ASRGL1: variants seen among roughly 807,000 people sequenced by gnomAD.
The protein encoded by ASRGL1 is isoaspartyl peptidase/L-asparaginase.
A neutral mutation model predicts 22.4 loss-of-function variants in ASRGL1; 16 were observed. The ratio of observed to expected loss-of-function variants is 0.71; its 90% CI spans 0.48 to 1.08. The LOEUF (loss-of-function observed/expected upper bound fraction) is 1.08, where lower values mean the gene tolerates loss of function less well. Among genes scored for constraint, ASRGL1 ranks in the 50% least tolerant of loss-of-function variants. The pLI is 0.00. For synonymous variants in ASRGL1, 165 were observed against 159.3 expected, an observed-to-expected ratio of 1.04 and a Z score of -0.27; for missense variants, 412 against 410.1, an observed-to-expected ratio of 1.00 and a Z score of -0.04.
At chr11:62,372,510 G>A in intron 4 of ASRGL1, 2 of 1,137,080 alleles carry the variant, frequency 1.8e-6, no homozygotes, top group Non-Finnish European at 2.7e-6. Flanking sequence ...GGGCACAGCA[G>A]ATAGAGTATG....
intron 2 of ASRGL1, among the ~76,000 whole-genome samples, chr11:62,346,993 C>A (rs1050150505): frequency 6.6e-6 from 1 of 151,558 alleles, no homozygotes; most frequent in Non-Finnish European, 1.5e-5. Flanking sequence ...AGAAAAATAA[C>A]GTCTGACAAG....
chr11:62,388,474 C>T (rs1431018140), intron 4 of ASRGL1, among the ~76,000 whole-genome samples: 2 of 151,954 alleles, frequency 1.3e-5, no homozygotes, highest in African/African-American at 4.8e-5. Context: ...TGAGACCAGC[C>T]TGGCCAAGAT....
chr11:62,398,338 G>A (rs1279135386), downstream of ASRGL1, among the ~76,000 whole-genome samples: 1 of 152,036 alleles, frequency 6.6e-6, no homozygotes, highest in Non-Finnish European at 1.5e-5. Context: ...AAAAGCGTGT[G>A]TGCTCCCTTC....
rs574757273 is a variant in ASRGL1, at chr11:62,338,011, G to T, written c.34G>T (p.Ala12Ser). The T allele has an allele frequency of 5.6e-6, 9 of 1,605,984 alleles. No homozygotes were observed. The East Asian group carries it at 1.6e-4, about 28-fold the overall frequency. The part of the protein sequence containing the change: ...NPIVVVHGGG[A>S]GPISKDRKER... Reference sequence around the variant, plus strand: ...CATCGTAGTGGTCCACGGCGGCGGAGCCGGTCCCATCTCCAAGGATCGGAA... The same window carrying T: ...CATCGTAGTGGTCCACGGCGGCGGATCCGGTCCCATCTCCAAGGATCGGAA... The change falls in exon 2 of 7, where the codon GCC becomes TCC. Residue 12 changes from alanine (A) to serine (S), a missense_variant. By Grantham distance (99) the Ala-to-Ser change is moderately conservative. Transcript: ENST00000415229.
intron 4 of ASRGL1, among the ~76,000 whole-genome samples, chr11:62,362,659 TAAAATATATAATATATATTATATAA>T (rs1946493358): frequency 1.1e-5 from 1 of 95,160 alleles, no homozygotes; most frequent in East Asian, 2.6e-4. Context: ...ATATATTATA[TAAAATATATAATATATATTATATAA>T]AATATATATT....
chr11:62,388,199 G>T (rs551849535), intron 4 of ASRGL1, among the ~76,000 whole-genome samples: 1 of 152,294 alleles, frequency 6.6e-6, no homozygotes, highest in South Asian at 2.1e-4. Context: ...ATAATCTCAT[G>T]GGACCACCAT....
At chr11:62,362,547 TATA>T (rs1946470472) in intron 4 of ASRGL1, among the ~76,000 whole-genome samples, 1 of 15,068 alleles carries the variant, frequency 6.6e-5, no homozygotes, top group Non-Finnish European at 1.3e-4. Flanking sequence ...ATATAAAATA[TATA>T]ACATATATTA....
intron 4 of ASRGL1, chr11:62,371,420 T>G: frequency 3.5e-6 from 2 of 576,760 alleles, no homozygotes; most frequent in East Asian, 6.4e-5. Context: ...AAGAAGCACG[T>G]CAAACTTGAG....
chr11:62,390,844 G>A (rs1190155101), intron 5 of ASRGL1, among the ~76,000 whole-genome samples: 1 of 152,208 alleles, frequency 6.6e-6, no homozygotes, highest in African/African-American at 2.4e-5. Context: ...AACTGTGGGA[G>A]GGTAAAGGCG....
chr11:62,368,751 G>A (rs1182335018), intron 4 of ASRGL1, among the ~76,000 whole-genome samples: 4 of 151,086 alleles, frequency 2.6e-5, no homozygotes, highest in African/African-American at 9.7e-5. Context: ...AGGAAAACGT[G>A]AGCAAAGGTC....
chr11:62,373,851 A>C (rs1421189599), intron 4 of ASRGL1, among the ~76,000 whole-genome samples: 1 of 152,216 alleles, frequency 6.6e-6, no homozygotes, highest in Non-Finnish European at 1.5e-5. Flanking sequence ...TTAGCTGTTA[A>C]AGAAGTCCAA....
chr11:62,351,156 C>T (rs1232235351), intron 2 of ASRGL1, among the ~76,000 whole-genome samples: 5 of 152,126 alleles, frequency 3.3e-5, no homozygotes, highest in African/African-American at 4.8e-5. Flanking sequence ...CCTTTCTTTA[C>T]GGTCCCTTTA....
rs572929803 is a variant in ASRGL1 at position 62,354,407 on chromosome 11, A to T, written c.191-1918A>T. Among the ~76,000 whole-genome samples the T allele has an allele frequency of 5.3e-5, 8 of 152,264 alleles. No individual in the cohort carries two copies. The South Asian group carries it at 1.4e-3, about 28-fold the overall frequency. ...ATATCGGCTGGTTTTTTTTTCATACATACATATGATAAAGTTTAATATATT... is the reference window on the plus strand; with the variant it reads ...ATATCGGCTGGTTTTTTTTTCATACTTACATATGATAAAGTTTAATATATT... On this transcript the variant is annotated intron_variant, in intron 2 of 6. Coordinates refer to ENST00000415229, the MANE Select transcript of ASRGL1 (RefSeq NM_001083926.2).
chr11:62,344,879 C>T (rs1945974955), intron 2 of ASRGL1, among the ~76,000 whole-genome samples: 1 of 152,174 alleles, frequency 6.6e-6, no homozygotes, highest in African/African-American at 2.4e-5. Context: ...CCCACTATCT[C>T]CCAGCCTCTG....
At chr11:62,383,405 C>A (rs1438514404) in intron 4 of ASRGL1, among the ~76,000 whole-genome samples, 1 of 147,094 alleles carries the variant, frequency 6.8e-6, no homozygotes, top group East Asian at 2.1e-4. Flanking sequence ...AGATCGAGAC[C>A]ATCCCGGCTA....
intron 4 of ASRGL1, 92 bp from the exon 5 acceptor site, chr11:62,389,041 A>G: frequency 7.2e-6 from 8 of 1,108,282 alleles, no homozygotes; most frequent in Non-Finnish European, 1.1e-5. Context: ...AACATATAAC[A>G]TGAAACTTTA....
intron 4 of ASRGL1, chr11:62,372,810 G>T: frequency 6.3e-7 from 1 of 1,595,204 alleles, no homozygotes; most frequent in Non-Finnish European, 8.6e-7. Flanking sequence ...CGTCAGTGAA[G>T]TGGGTGGTCT....
In ASRGL1 at chr11:62,355,763, C is replaced by T. The variant is rs555430440; in HGVS notation, c.191-562C>T. ...CTCTGGTTTTCCTAGGCAGAGGACC[C>T]TGCGGCCTTCCGCAGTGTTTGTGTC... is the stretch of plus-strand genomic sequence containing the variant. On this transcript the variant is annotated intron_variant, in intron 2 of 6. Transcript: ENST00000415229. Among the ~76,000 whole-genome samples, 563 of 152,146 alleles carry T rather than the reference C, an allele frequency of 3.7e-3. 1 individual carries two copies. The highest frequency in any genetic ancestry group is 0.013 in the African/African-American group (519 of 41,504).
chr11:62,382,059 C>G (rs1947082861), intron 4 of ASRGL1: 1 of 152,234 alleles, frequency 6.6e-6, no homozygotes, highest in Non-Finnish European at 1.5e-5. Flanking sequence ...GAGGCCGAGG[C>G]CGGTGGATCA....
Sources: gnomAD v4.1 joint callset for allele counts (sites outside exome capture counted in the v4.1 genomes callset) on GRCh38, gnomAD v4.1.1 for gene constraint, MANE v1.5 for transcripts, NCBI Gene and HGNC (gene_info 2026-07-23, HGNC 2026-07-21) for gene names.